The following KIAA1671 variants were observed in gnomAD, a reference collection of about 807,000 sequenced individuals.
KIAA1671 encodes the protein KIAA1671.
KIAA1671 carries 52 observed loss-of-function variants against 131.2 expected under a neutral mutation model. The observed-to-expected ratio is 0.40, with a 90% CI of 0.32 to 0.50. The LOEUF (loss-of-function observed/expected upper bound fraction) is 0.50, where lower values mean the gene tolerates loss of function less well. KIAA1671 is among the 20% of genes least tolerant of loss of function. The pLI is 0.73. For missense variants in KIAA1671, 2,360 were observed against 2,364.2 expected (o/e 1.00, Z 0.04); for synonymous variants, 1,003 against 961.6 (o/e 1.04, Z -0.80).
At chr22:25,057,213 T>C (rs1218776950) in intron 6 of KIAA1671, 2 of 152,298 alleles carry the variant, frequency 1.3e-5, no homozygotes, top group African/African-American at 4.8e-5. Context: ...CCCTTGCAAC[T>C]TGGGAGGAGA....
intron 6 of KIAA1671, among the ~76,000 whole-genome samples, chr22:25,127,550 T>G (rs1425992132): frequency 6.6e-6 from 1 of 152,168 alleles, no homozygotes; most frequent in Non-Finnish European, 1.5e-5. Context: ...CCTTGCAAGA[T>G]TCTTCCCATC....
chr22:25,039,492 G>C lies in KIAA1671; in HGVS notation c.2362G>C (p.Gly788Arg). 1 of 1,551,768 alleles carries C rather than the reference G, an allele frequency of 6.4e-7. No homozygotes were observed. The highest frequency in any genetic ancestry group is 8.7e-7 in the Non-Finnish European group (1 of 1,146,984). ...TPADLECGLE[G>R]QAGSVQRASL... ...TGCTGACCTGGAGTGTGGTTTGGAA[G>C]GTCAGGCGGGGTCCGTCCAAAGGGC... is the stretch of plus-strand genomic sequence containing the variant. The change falls in exon 5 of 13, where the codon GGT (glycine) becomes CGT (arginine). Residue 788 changes from glycine to arginine, a missense_variant. Gly to Arg is a moderately radical substitution (Grantham distance 125, BLOSUM62 -2). Coordinates refer to ENST00000358431, the MANE Select transcript of KIAA1671 (RefSeq NM_001145206.2).
At chr22:25,182,487 C>T (rs1403091560) in intron 10 of KIAA1671, among the ~76,000 whole-genome samples, 1 of 151,836 alleles carries the variant, frequency 6.6e-6, no homozygotes, top group Non-Finnish European at 1.5e-5. Context: ...AAGTTTCAAA[C>T]GGAGTTGCAA....
chr22:25,027,723 G>A (rs1202827317), intron 2 of KIAA1671, among the ~76,000 whole-genome samples: 2 of 152,162 alleles, frequency 1.3e-5, no homozygotes, highest in African/African-American at 4.8e-5. Context: ...CTACACCCTT[G>A]GAGCTGGAAC....
At chr22:25,089,123 G>T (rs1454280725) in intron 6 of KIAA1671, among the ~76,000 whole-genome samples, 1 of 152,118 alleles carries the variant, frequency 6.6e-6, no homozygotes, top group Non-Finnish European at 1.5e-5. Context: ...GATTTAATGT[G>T]TGTAGGAGGA....
intron 6 of KIAA1671, among the ~76,000 whole-genome samples, chr22:25,100,416 AG>A (rs1930603095): frequency 6.6e-6 from 1 of 152,214 alleles, no homozygotes; most frequent in South Asian, 2.1e-4. Flanking sequence ...GGAGGAACAC[AG>A]GGCAAGGTCT....
At chr22:25,007,680 A>G (rs1027661319) in intron 1 of KIAA1671, among the ~76,000 whole-genome samples, 1 of 151,952 alleles carries the variant, frequency 6.6e-6, no homozygotes, top group African/African-American at 2.4e-5. Context: ...TACAAATGTT[A>G]TGTTCCCTTT....
At chr22:25,159,323 G>A (rs1210832121) in intron 6 of KIAA1671, among the ~76,000 whole-genome samples, 1 of 152,196 alleles carries the variant, frequency 6.6e-6, no homozygotes. Context: ...CACGGTGGAT[G>A]ACTCATCTGC....
intron 1 of KIAA1671, among the ~76,000 whole-genome samples, chr22:24,957,107 G>GCCCC (rs1489478983): frequency 6.6e-6 from 1 of 152,124 alleles, no homozygotes; most frequent in Non-Finnish European, 1.5e-5. Flanking sequence ...CTCTGTAAGG[G>GCCCC]GTGGTATGAT....
intron 6 of KIAA1671, among the ~76,000 whole-genome samples, chr22:25,157,973 C>A (rs1433281803): frequency 6.6e-6 from 1 of 152,096 alleles, no homozygotes; most frequent in African/African-American, 2.4e-5. Context: ...AGGTACCCAC[C>A]ACCACGCCCG....
At chr22:25,006,825 T>C (rs1924774390) in intron 1 of KIAA1671, among the ~76,000 whole-genome samples, 1 of 152,214 alleles carries the variant, frequency 6.6e-6, no homozygotes, top group African/African-American at 2.4e-5. Flanking sequence ...CTGACTTTCC[T>C]GCCTTTCTCT....
At chr22:25,179,202 G>C in intron 9 of KIAA1671, 1 of 1,117,178 alleles carries the variant, frequency 9.0e-7, no homozygotes, top group South Asian at 1.3e-5. Flanking sequence ...GCTGGGGGCG[G>C]GGGTGGGGGA....
At chr22:25,188,970 G>T (rs547522304) in intron 11 of KIAA1671, among the ~76,000 whole-genome samples, 1 of 152,068 alleles carries the variant, frequency 6.6e-6, no homozygotes, top group African/African-American at 2.4e-5. Context: ...GTAGACACAC[G>T]TATGTATGTA....
At chr22:25,093,729 A>ACTCT (rs1568950940) in intron 6 of KIAA1671, among the ~76,000 whole-genome samples, 1 of 51,272 alleles carries the variant, frequency 2.0e-5, no homozygotes, top group Non-Finnish European at 3.7e-5. Context: ...ACACACACAC[A>ACTCT]CACACACACT....
intron 6 of KIAA1671, among the ~76,000 whole-genome samples, chr22:25,116,475 G>A (rs1931672437): frequency 6.6e-6 from 1 of 151,964 alleles, no homozygotes; most frequent in Non-Finnish European, 1.5e-5. Flanking sequence ...AGGCTGGAGT[G>A]CAATGGTGCA....
chr22:25,171,258 G>A (rs1933838625), intron 7 of KIAA1671, among the ~76,000 whole-genome samples: 1 of 151,984 alleles, frequency 6.6e-6, no homozygotes, highest in Non-Finnish European at 1.5e-5. Context: ...AAATTAGCTG[G>A]GTGTGGCAGC....
At chr22:25,008,992 A>C (rs1732758765) in intron 1 of KIAA1671, among the ~76,000 whole-genome samples, 1 of 152,146 alleles carries the variant, frequency 6.6e-6, no homozygotes. Context: ...AGGGCATGGG[A>C]GGCACAGAGA....
chr22:25,180,253 G>T (rs905865474), intron 9 of KIAA1671, among the ~76,000 whole-genome samples: 1 of 152,246 alleles, frequency 6.6e-6, no homozygotes, highest in Non-Finnish European at 1.5e-5. Flanking sequence ...CTTTTAAGAA[G>T]AAACAGGCAG....
intron 9 of KIAA1671, chr22:25,179,614 C>A (rs1006926914): frequency 2.0e-6 from 2 of 979,868 alleles, no homozygotes; most frequent in Non-Finnish European, 3.0e-6. Flanking sequence ...GGGTGGCACT[C>A]CCAAAAGTGG....
Sources: allele counts gnomAD v4.1 joint callset (sites outside exome capture counted in the v4.1 genomes callset), GRCh38; gene constraint gnomAD v4.1.1; transcripts MANE v1.5; gene names NCBI Gene and HGNC (gene_info 2026-07-23, HGNC 2026-07-21).